Variants in TSHZ2 observed in about 807,000 individuals in gnomAD.
TSHZ2 encodes the protein teashirt homolog 2.
TSHZ2 carries 21 observed loss-of-function variants against 74.4 expected under a neutral mutation model. The ratio of observed to expected loss-of-function variants is 0.28; its 90% confidence interval spans 0.20 to 0.41. TSHZ2 has a LOEUF of 0.41. Among genes scored for constraint, TSHZ2 ranks in the 10% least tolerant of loss-of-function variants. The probability of loss-of-function intolerance (pLI) is 1.00; values close to 1 mark genes in which losing one functional copy is unlikely to be tolerated. For missense variants in TSHZ2, 1,244 were observed against 1,293.5 expected (o/e 0.96, Z 0.59); for synonymous variants, 540 against 515.3 (o/e 1.05, Z -0.65).
At chr20:53,348,279 A>G (rs1260814532) in intron 2 of TSHZ2, among the ~76,000 whole-genome samples, 1 of 152,242 alleles carries the variant, frequency 6.6e-6, no homozygotes, top group Non-Finnish European at 1.5e-5. Flanking sequence ...TGGTATATCC[A>G]TACAATGGAA....
intron 2 of TSHZ2, among the ~76,000 whole-genome samples, chr20:53,363,547 G>C (rs181009631): frequency 6.6e-6 from 1 of 152,350 alleles, no homozygotes; most frequent in East Asian, 1.9e-4. Context: ...CATGGAGTCT[G>C]TGAATCCATC....
chr20:53,344,471 A>C (rs1273949380), intron 2 of TSHZ2, among the ~76,000 whole-genome samples: 4 of 152,190 alleles, frequency 2.6e-5, no homozygotes, highest in African/African-American at 9.7e-5. Flanking sequence ...TTCACTATGC[A>C]CATCCCCCAA....
Position 53,254,851 on chromosome 20 carries a change from A to G in TSHZ2, c.1393A>G (p.Lys465Glu). 6.2e-7 allele frequency: 1 copy of G among 1,614,122 alleles called. No homozygotes were observed. The highest frequency in any genetic ancestry group is 2.2e-5 in the East Asian group (1 of 44,882). The change falls in exon 2 of 3, where the codon AAA (lysine) becomes GAA (glutamate). Residue 465 changes from lysine to glutamate, a missense_variant. By Grantham distance (56) the Lys-to-Glu change is moderately conservative (BLOSUM62 1). This residue lies in a region of TSHZ2 where 562 missense variants were observed against 544.0 expected (regional missense o/e 1.03). Transcript: ENST00000371497. Reference sequence around the variant, plus strand: ...TACAACTGAGTTAAAGAAAGAGAGTAAAAAAGAAAGGCCAGAGGAAACCAG... The same window carrying G: ...TACAACTGAGTTAAAGAAAGAGAGTGAAAAAGAAAGGCCAGAGGAAACCAG... Reference protein sequence around the residue: ...ASTTELKKESKKERPEETSKD... With the variant: ...ASTTELKKESEKERPEETSKD...
chr20:53,265,016 C>T (rs527888824), intron 2 of TSHZ2, among the ~76,000 whole-genome samples: 87 of 152,238 alleles, frequency 5.7e-4, no homozygotes, highest in African/African-American at 1.5e-3. Context: ...CTCCAACCAC[C>T]GAAGGCGAGA....
intron 2 of TSHZ2, among the ~76,000 whole-genome samples, chr20:53,281,915 C>T (rs978114998): frequency 6.6e-6 from 1 of 152,206 alleles, no homozygotes; most frequent in Non-Finnish European, 1.5e-5. Context: ...TTGAAGGCAG[C>T]AAGGGCACTC....
At position 53,155,526 on chromosome 20, in the gene TSHZ2, C is replaced by T. The variant is rs73146629; in HGVS notation, c.41-97973C>T. 5.5e-3 allele frequency among the ~76,000 whole-genome samples: 828 copies of T among 151,802 alleles called. 1 individual carries two copies. The highest frequency in any genetic ancestry group is 0.014 in the Middle Eastern group (4 of 294). On this transcript the variant is annotated intron_variant, in intron 1 of 2. Coordinates refer to ENST00000371497, the MANE Select transcript of TSHZ2 (RefSeq NM_173485.6). ...GAGGGGATATATCAGGGACAGTCTC[C>T]CAGGGCACAGGTCTGGGAAGGAGGG...
chr20:53,260,462 A>G (rs578212761), intron 2 of TSHZ2, among the ~76,000 whole-genome samples: 2 of 152,204 alleles, frequency 1.3e-5, no homozygotes, highest in African/African-American at 4.8e-5. Context: ...AACCAGGACA[A>G]GAGTCTGCCT....
chr20:53,392,464 G>T (rs1489014067), intron 2 of TSHZ2, among the ~76,000 whole-genome samples: 2 of 152,082 alleles, frequency 1.3e-5, no homozygotes, highest in Non-Finnish European at 2.9e-5. Flanking sequence ...AAAAAAAAAT[G>T]AAAGTGTTCA....
intron 1 of TSHZ2, among the ~76,000 whole-genome samples, chr20:53,204,795 C>A (rs748013446): frequency 2.9e-4 from 44 of 152,102 alleles, no homozygotes; most frequent in Non-Finnish European, 5.9e-4. Context: ...AGCTAAGTAA[C>A]TTGTGGCCGG....
intron 2 of TSHZ2, among the ~76,000 whole-genome samples, chr20:53,482,913 A>G (rs1986193929): frequency 6.6e-6 from 1 of 152,142 alleles, no homozygotes; most frequent in Admixed American, 6.5e-5. Flanking sequence ...CTCAAAAAAA[A>G]CAGAAAAAGA....
At chr20:53,148,291 G>A (rs1404867996) in intron 1 of TSHZ2, among the ~76,000 whole-genome samples, 1 of 152,144 alleles carries the variant, frequency 6.6e-6, no homozygotes, top group Non-Finnish European at 1.5e-5. Flanking sequence ...TGCATTGTCT[G>A]GGACACTTTT....
chr20:53,296,759 G>C (rs565168981), intron 2 of TSHZ2, among the ~76,000 whole-genome samples: 1 of 152,198 alleles, frequency 6.6e-6, no homozygotes, highest in Non-Finnish European at 1.5e-5. Context: ...GTTCAAGGCA[G>C]TTGACAGTTT....
intron 2 of TSHZ2, among the ~76,000 whole-genome samples, chr20:53,374,936 A>T (rs1035776878): frequency 6.6e-6 from 1 of 152,130 alleles, no homozygotes; most frequent in Non-Finnish European, 1.5e-5. Context: ...AAAAAAAAAA[A>T]AAACACTATT....
intron 2 of TSHZ2, among the ~76,000 whole-genome samples, chr20:53,377,164 G>T (rs536712293): frequency 2.0e-5 from 3 of 152,314 alleles, no homozygotes; most frequent in Admixed American, 2.0e-4. Flanking sequence ...GCCTCATTCT[G>T]ATACTGCAAC....
intron 1 of TSHZ2, among the ~76,000 whole-genome samples, chr20:53,026,468 C>T (rs1983449102): frequency 6.6e-6 from 1 of 151,980 alleles, no homozygotes; most frequent in South Asian, 2.1e-4. Flanking sequence ...TCTCCTGCCT[C>T]AGCCTCTGGA....
At chr20:53,300,742 A>T (rs1991463175) in intron 2 of TSHZ2, among the ~76,000 whole-genome samples, 1 of 152,148 alleles carries the variant, frequency 6.6e-6, no homozygotes, top group African/African-American at 2.4e-5. Flanking sequence ...AGTTTCAAAT[A>T]TGTTTCTGAG....
At chr20:53,171,667 G>A (rs1397835567) in intron 1 of TSHZ2, among the ~76,000 whole-genome samples, 1 of 151,938 alleles carries the variant, frequency 6.6e-6, no homozygotes, top group Non-Finnish European at 1.5e-5. Context: ...TGAGCTATAT[G>A]CAGGAGCTAT....
At chr20:53,250,649 C>T (rs1166844162) in intron 1 of TSHZ2, among the ~76,000 whole-genome samples, 8 of 152,092 alleles carry the variant, frequency 5.3e-5, no homozygotes, top group Non-Finnish European at 1.2e-4. Context: ...GGTCTCTCAG[C>T]ACGAGTTACT....
intron 1 of TSHZ2, among the ~76,000 whole-genome samples, chr20:52,985,566 C>T (rs1166719237): frequency 1.3e-5 from 2 of 152,192 alleles, no homozygotes; most frequent in African/African-American, 2.4e-5. Context: ...GCTTTGCATA[C>T]AGCGAGTGCT....
Sources: allele counts gnomAD v4.1 joint callset (sites outside exome capture counted in the v4.1 genomes callset), GRCh38; gene constraint gnomAD v4.1.1; regional missense constraint gnomAD v4.1.1; transcripts MANE v1.5; gene names NCBI Gene and HGNC (gene_info 2026-07-23, HGNC 2026-07-21).